FBXO10: variants seen among roughly 807,000 people sequenced by gnomAD.
FBXO10 encodes F-box only protein 10.
A neutral mutation model predicts 80.7 loss-of-function variants in FBXO10; 39 were observed. That is an observed-to-expected ratio of 0.48 (90% confidence interval 0.37 to 0.63). FBXO10 has a LOEUF of 0.63. FBXO10 is among the 30% of genes least tolerant of loss of function. The pLI, the probability that FBXO10 is intolerant of heterozygous loss-of-function variation, is 0.00. For missense variants in FBXO10, 1,025 were observed against 1,269.0 expected (o/e 0.81, Z 2.92); for synonymous variants, 449 against 489.6 (o/e 0.92, Z 1.09).
At chr9:37,542,944 C>T (rs1416939430) in intron 1 of FBXO10, among the ~76,000 whole-genome samples, 1 of 152,134 alleles carries the variant, frequency 6.6e-6, no homozygotes, top group African/African-American at 2.4e-5. Flanking sequence ...GCTCTGGATC[C>T]CCTACACTCT....
chr9:37,533,966 A>T (rs1821691794), intron 3 of FBXO10, among the ~76,000 whole-genome samples: 1 of 152,122 alleles, frequency 6.6e-6, no homozygotes, highest in South Asian at 2.1e-4. Flanking sequence ...GGGTATTATA[A>T]GTAATCTAGA....
In FBXO10 at chr9:37,537,562, C is replaced by T; in HGVS notation, c.967G>A (p.Ala323Thr). Reference protein sequence around the residue: ...IEGSQSPTSPASSSPKPGSKA... With the variant: ...IEGSQSPTSPTSSSPKPGSKA... Reference sequence around the variant, plus strand: ...GAGCCTGGCTTTGGGGAGCTAGAGGCTGGGCTGGTAGGGCTCTGGCTGCCC... The same window carrying T: ...GAGCCTGGCTTTGGGGAGCTAGAGGTTGGGCTGGTAGGGCTCTGGCTGCCC... The change falls in exon 3 of 11, where the codon GCC (alanine) becomes ACC (threonine). Residue 323 changes from alanine (A) to threonine (T), a missense_variant. Ala to Thr is a moderately conservative substitution (Grantham distance 58). Coordinates refer to ENST00000432825, the MANE Select transcript of FBXO10 (RefSeq NM_012166.3). 2 of 1,613,374 alleles carry T rather than the reference C, an allele frequency of 1.2e-6. No homozygotes were observed. The highest frequency in any genetic ancestry group is 1.1e-5 in the South Asian group (1 of 90,938).
chr9:37,559,501 C>T (rs897440300), intron 1 of FBXO10, among the ~76,000 whole-genome samples: 8 of 152,204 alleles, frequency 5.3e-5, no homozygotes, highest in Non-Finnish European at 1.2e-4. Flanking sequence ...ACCTTGATAG[C>T]ACCCAAAGGC....
rs1465954828 is a variant in FBXO10 at position 37,537,116 on chromosome 9, A to G, written c.1413T>C (p.Asn471=). 1.2e-6 allele frequency: 2 copies of G among 1,604,890 alleles called. No homozygotes were observed. The highest frequency in any genetic ancestry group is 1.7e-5 in the Admixed American group (1 of 59,594). ...NLTYAVRCIH[N]SKIIMLRNDI... ...TCTAAAGTCATGACAGCACCTTGCT[A>G]TTATGTATACACCGCACTGCGTAAG... Residue 471 remains asparagine, a synonymous_variant, in exon 3 of 11, where the codon AAT becomes AAC. Transcript: ENST00000432825.
rs776057817 is a variant in FBXO10 at position 37,518,303 on chromosome 9, T to C, written c.2336A>G (p.Asn779Ser). The C allele has an allele frequency of 2.4e-5, 39 of 1,614,076 alleles. No individual in the cohort carries two copies. The highest frequency in any genetic ancestry group is 1.0e-4 in the Admixed American group (6 of 60,030). Residue 779 changes from asparagine to serine, a missense_variant, in exon 9 of 11, where the codon AAC becomes AGC. Asn to Ser is a conservative substitution (Grantham distance 46). This residue lies in a region of FBXO10 where 478 missense variants were observed against 667.8 expected (regional missense o/e 0.72). Coordinates refer to ENST00000432825, the MANE Select transcript of FBXO10 (RefSeq NM_012166.3). ...TRVANNSISC[N>S]RQSGVKVEAQ... is the part of the protein sequence containing the mutation. ...CTCAACCTTGACCCCACTTTGCCGG[T>C]TGCAGGAGATGCTGTTGTTGGCCAC...
rs993068811 is a variant in FBXO10 at position 37,511,162 on chromosome 9, A to G, written c.*1385T>C. On this transcript the variant is annotated 3_prime_UTR_variant, in exon 11 of 11. Transcript: ENST00000432825. ...AGCAGCACCTAGGGCCAATAGAACCAGCCACGCAGCCAAGTGCACGACAGT... is the reference window on the plus strand; with the variant it reads ...AGCAGCACCTAGGGCCAATAGAACCGGCCACGCAGCCAAGTGCACGACAGT... The G allele has an allele frequency of 2.7e-5, 4 of 149,496 alleles. No individual in the cohort carries two copies. Among genetic ancestry groups the G allele is most frequent in the Admixed American group, 2.7e-4 (4 of 15,014 alleles). 9.3% of individuals were successfully genotyped at this position (149,496 alleles called of 1,614,324 possible).
At position 37,518,284 on chromosome 9, in the gene FBXO10, C is replaced by G. The variant is rs751580511; in HGVS notation, c.2355G>C (p.Lys785Asn). The G allele has an allele frequency of 3.1e-6, 5 of 1,614,088 alleles. No individual in the cohort carries two copies. Among genetic ancestry groups the G allele is most frequent in the Non-Finnish European group, 2.5e-6 (3 of 1,179,904 alleles). ...SISCNRQSGV[K>N]VEAQCKVELR... The stretch of plus-strand genomic sequence containing the variant: ...GCTCCACTTTGCACTGGGCCTCAAC[C>G]TTGACCCCACTTTGCCGGTTGCAGG... Residue 785 changes from lysine to asparagine, a missense_variant, in exon 9 of 11, where the codon AAG (lysine) becomes AAC (asparagine). Lys to Asn is a moderately conservative substitution (Grantham distance 94). Around this residue, in one of 3 missense-constraint regions of FBXO10, gnomAD observed 478 missense variants for 667.8 expected, o/e 0.72. Coordinates refer to ENST00000432825, the MANE Select transcript of FBXO10 (RefSeq NM_012166.3).
intron 1 of FBXO10, among the ~76,000 whole-genome samples, chr9:37,543,320 C>T (rs1821972805): frequency 6.6e-6 from 1 of 152,184 alleles, no homozygotes; most frequent in Non-Finnish European, 1.5e-5. Flanking sequence ...TTGACTGCAA[C>T]TGATTGGACT....
intron 1 of FBXO10, among the ~76,000 whole-genome samples, chr9:37,574,812 T>C (rs1213541306): frequency 6.6e-6 from 1 of 152,218 alleles, no homozygotes; most frequent in East Asian, 1.9e-4. Flanking sequence ...TAGCTAGCTC[T>C]GGAAAAAGCC....
intron 1 of FBXO10, among the ~76,000 whole-genome samples, chr9:37,545,175 C>CTTTTTT (rs397893928): frequency 1.9e-4 from 16 of 85,638 alleles, no homozygotes; most frequent in South Asian, 9.9e-4. Flanking sequence ...CATTCTCAGG[C>CTTTTTT]TTTTTTTTTT....
intron 8 of FBXO10, 120 bp downstream of exon 8, chr9:37,521,449 C>G: frequency 7.9e-7 from 1 of 1,264,704 alleles, no homozygotes; most frequent in South Asian, 1.9e-5. Flanking sequence ...AGGTTTGCAT[C>G]TTTGACATTA....
At chr9:37,558,383 C>G (rs534658950) in intron 1 of FBXO10, among the ~76,000 whole-genome samples, 1 of 152,274 alleles carries the variant, frequency 6.6e-6, no homozygotes, top group African/African-American at 2.4e-5. Context: ...TGCATCTCTG[C>G]TTCTCAACTC....
chr9:37,554,721 T>G (rs1435866745), intron 1 of FBXO10, among the ~76,000 whole-genome samples: 1 of 152,246 alleles, frequency 6.6e-6, no homozygotes, highest in Non-Finnish European at 1.5e-5. Flanking sequence ...GCTTCTTTCA[T>G]TCAGCATAAT....
At chr9:37,551,474 G>C (rs1219244604) in intron 1 of FBXO10, among the ~76,000 whole-genome samples, 5 of 152,256 alleles carry the variant, frequency 3.3e-5, no homozygotes, top group Non-Finnish European at 7.3e-5. Flanking sequence ...TACTCTGCAA[G>C]TCTACAGTTA....
chr9:37,533,666 T>C (rs1427478784), intron 3 of FBXO10, among the ~76,000 whole-genome samples: 1 of 147,422 alleles, frequency 6.8e-6, no homozygotes, highest in African/African-American at 2.5e-5. Flanking sequence ...AGGTCAGGAG[T>C]TTGAGACCAG....
Position 37,516,261 on chromosome 9 carries a change from G to C in FBXO10, c.2515-176C>G, listed in dbSNP as rs142991299. Reference sequence around the variant, plus strand: ...GAACAGCCTGGGGGAGCCAGGGAAGGCTTCCTGGAAGAGGTGATAGGTGAG... The same window carrying C: ...GAACAGCCTGGGGGAGCCAGGGAAGCCTTCCTGGAAGAGGTGATAGGTGAG... On this transcript the variant is annotated intron_variant, in intron 9 of 10. Transcript: ENST00000432825. Among the ~76,000 whole-genome samples the C allele has an allele frequency of 1.4e-3, 219 of 152,350 alleles. 1 individual carries two copies. The highest frequency in any genetic ancestry group is 5.0e-3 in the African/African-American group (206 of 41,570).
chr9:37,522,389 T>TA (rs1450659361), intron 7 of FBXO10: 1 of 1,009,164 alleles, frequency 9.9e-7, no homozygotes, highest in Middle Eastern at 5.0e-4. Context: ...TTATTAGAGA[T>TA]AGAGTCCAGA....
At chr9:37,548,344 C>A (rs1822109679) in intron 1 of FBXO10, among the ~76,000 whole-genome samples, 1 of 152,090 alleles carries the variant, frequency 6.6e-6, no homozygotes, top group South Asian at 2.1e-4. Flanking sequence ...GAGATTGTGC[C>A]ACTGCACTCC....
chr9:37,552,423 C>T (rs1194129096), intron 1 of FBXO10, among the ~76,000 whole-genome samples: 1 of 152,156 alleles, frequency 6.6e-6, no homozygotes, highest in African/African-American at 2.4e-5. Flanking sequence ...GTGGCTCACG[C>T]TTGTAATCCC....
Sources: allele counts gnomAD v4.1 joint callset (sites outside exome capture counted in the v4.1 genomes callset), GRCh38; gene constraint gnomAD v4.1.1; regional missense constraint gnomAD v4.1.1; transcripts MANE v1.5; gene names NCBI Gene and HGNC (gene_info 2026-07-23, HGNC 2026-07-21).